Variants in GSC2 observed in about 807,000 individuals in gnomAD.
The protein encoded by GSC2 is goosecoid homeobox 2.
A neutral mutation model predicts 11.3 loss-of-function variants in GSC2; 12 were observed. The ratio of observed to expected loss-of-function variants is 1.06; its 90% CI spans 0.68 to 1.72. The LOEUF (loss-of-function observed/expected upper bound fraction) is 1.72. GSC2 is among the 40% of genes most tolerant of loss of function. GSC2 has a pLI of 0.00. For missense variants in GSC2, 310 were observed against 235.7 expected, an observed-to-expected ratio of 1.32 and a Z score of -2.06; for synonymous variants, 148 against 110.0, an observed-to-expected ratio of 1.35 and a Z score of -2.16.
chr22:19,149,931 C>G lies in GSC2; in HGVS notation c.260-15G>C. On this transcript the variant is annotated splice_polypyrimidine_tract_variant and intron_variant, in intron 1 of 2. Coordinates refer to ENST00000086933, the MANE Select transcript of GSC2 (RefSeq NM_005315.2). Reference sequence around the variant, plus strand: ...CAGACGAGCGCCTGCGGAGCGAGGGCGCGGTGAGGCGCGGGGCTGGGGCCA... The same window carrying G: ...CAGACGAGCGCCTGCGGAGCGAGGGGGCGGTGAGGCGCGGGGCTGGGGCCA... 7.6e-7 allele frequency: 1 copy of G among 1,314,552 alleles called. No individual in the cohort carries two copies. The highest frequency in any genetic ancestry group is 2.1e-5 in the South Asian group (1 of 48,136). 81.4% of individuals were successfully genotyped at this position (1,314,552 alleles called of 1,614,324 possible). A position where few individuals can be genotyped will look rare whatever the true frequency, so the allele number is the denominator to read the frequency against.
rs373129961 is a variant in GSC2, at chr22:19,149,748, G to A, written c.428C>T (p.Ala143Val). 154 of 1,594,860 alleles carry A rather than the reference G, an allele frequency of 9.7e-5. No individual in the cohort carries two copies. Among genetic ancestry groups the A allele is most frequent in the Middle Eastern group, 3.3e-4 (2 of 6,036 alleles). Reference sequence around the variant, plus strand: ...AGGATACTGGTTCTGCACGAAAAGCGCCTCGAGCGCCTGCAGCTGCTCTTC... The same window carrying A: ...AGGATACTGGTTCTGCACGAAAAGCACCTCGAGCGCCTGCAGCTGCTCTTC... ...FSEEQLQALE[A>V]LFVQNQYPDV... The change falls in exon 2 of 3, where the codon GCG becomes GTG. Residue 143 changes from alanine (A) to valine (V), a missense_variant. By Grantham distance (64) the Ala-to-Val change is moderately conservative. Coordinates refer to ENST00000086933, the MANE Select transcript of GSC2 (RefSeq NM_005315.2).
rs782517302 is a variant in GSC2, at chr22:19,150,241, C to A, written c.43G>T (p.Gly15Trp). The change falls in exon 1 of 3, where the codon GGG becomes TGG. Residue 15 changes from glycine (G) to tryptophan (W), a missense_variant. Transcript: ENST00000086933. The part of the protein sequence containing the change: ...AGGAASRRGA[G>W]RPCPFSIEHI... ...TCGATGGAGAAGGGGCAGGGCCGCC[C>A]GGCACCCCGGCGGCTCGCCGCGCCC... is the stretch of plus-strand genomic sequence containing the variant. The A allele has an allele frequency of 2.7e-5, 7 of 263,920 alleles. No homozygotes were observed. The highest frequency in any genetic ancestry group is 3.9e-5 in the Non-Finnish European group (6 of 153,878). 16.3% of individuals were successfully genotyped at this position (263,920 alleles called of 1,614,324 possible).
rs1195835347 is a variant in GSC2 at position 19,147,297 on chromosome 22, G to A, written c.*1694C>T. Among the ~76,000 whole-genome samples the A allele has an allele frequency of 2.6e-5, 4 of 152,164 alleles. No homozygotes were observed. The highest frequency in any genetic ancestry group is 1.3e-4 in the Admixed American group (2 of 15,272). On this transcript the variant is annotated 3_prime_UTR_variant, in exon 3 of 3. Coordinates refer to ENST00000086933, the MANE Select transcript of GSC2 (RefSeq NM_005315.2). ...GGAGTCTGAGGGTAAAAGATAAACC[G>A]GGAAGAGGGTGAAGATGAGAAGCGA... is the stretch of plus-strand genomic sequence containing the variant.
Position 19,148,813 on chromosome 22 carries a change from C to A in GSC2, c.*178G>T, listed in dbSNP as rs572194001. 1.8e-6 allele frequency: 1 copy of A among 544,024 alleles called. No homozygotes were observed. The highest frequency in any genetic ancestry group is 3.3e-5 in the East Asian group (1 of 30,634). 33.7% of individuals were successfully genotyped at this position (544,024 alleles called of 1,614,324 possible). On this transcript the variant is annotated 3_prime_UTR_variant, in exon 3 of 3. Coordinates refer to ENST00000086933, the MANE Select transcript of GSC2 (RefSeq NM_005315.2). ...CCCACTGCCGTGGAACACCAAGCAC[C>A]GGGGGCCCGTCCCCAGCGCCACGGC...
In GSC2 at chr22:19,148,943, A is replaced by T. The variant is rs782096100; in HGVS notation, c.*48T>A. 7.7e-6 allele frequency: 9 copies of T among 1,170,740 alleles called. 1 individual carries two copies. The South Asian group carries it at 1.1e-4, about 14-fold the overall frequency. The allele number at this position is 1,170,740 out of a possible 1,614,324, so 72.5% of individuals were successfully genotyped here. A position where few individuals can be genotyped will look rare whatever the true frequency, so the allele number is the denominator to read the frequency against. On this transcript the variant is annotated 3_prime_UTR_variant, in exon 3 of 3. Transcript: ENST00000086933. ...CCTGTCTTCTCTCAGCGCCAACTCCAAAGATCCCAAAAAGGGTGGCCGAGC... is the reference window on the plus strand; with the variant it reads ...CCTGTCTTCTCTCAGCGCCAACTCCTAAGATCCCAAAAAGGGTGGCCGAGC...
Position 19,147,821 on chromosome 22 carries a change from C to A in GSC2, c.*1170G>T, listed in dbSNP as rs1039677861. Reference sequence around the variant, plus strand: ...TTTTAGAGATGGACTTCATCTCTTGCAGGTAGAATGGCCCCATTCCCTGCA... The same window carrying A: ...TTTTAGAGATGGACTTCATCTCTTGAAGGTAGAATGGCCCCATTCCCTGCA... On this transcript the variant is annotated 3_prime_UTR_variant, in exon 3 of 3. Coordinates refer to ENST00000086933, the MANE Select transcript of GSC2 (RefSeq NM_005315.2). 2.6e-5 allele frequency among the ~76,000 whole-genome samples: 4 copies of A among 152,102 alleles called. No individual in the cohort carries two copies. Among genetic ancestry groups the A allele is most frequent in the African/African-American group, 9.7e-5 (4 of 41,398 alleles).
At position 19,149,977 on chromosome 22, in the gene GSC2, G is replaced by T. The variant is rs1174833858; in HGVS notation, c.259+48C>A. On this transcript the variant is annotated intron_variant, in intron 1 of 2. Coordinates refer to ENST00000086933, the MANE Select transcript of GSC2 (RefSeq NM_005315.2). ...GGCCAAGCTCGGCACCCACTGCGCCGCGCCCCGGGCTCCGCCGGGCCCCGC... is the reference window on the plus strand; with the variant it reads ...GGCCAAGCTCGGCACCCACTGCGCCTCGCCCCGGGCTCCGCCGGGCCCCGC... The T allele has an allele frequency of 3.4e-6, 4 of 1,169,812 alleles. No individual in the cohort carries two copies. In the African/African-American group the frequency reaches 6.5e-5, roughly 19 times the overall value. 72.5% of individuals were successfully genotyped at this position (1,169,812 alleles called of 1,614,324 possible).
Position 19,148,893 on chromosome 22 carries a change from C to A in GSC2, c.*98G>T. The stretch of plus-strand genomic sequence containing the variant: ...GAGACGGGTGGAGGCGGCCGGTGTA[C>A]TCTCCCAGCTCCTTTTCGGGTAGAC... On this transcript the variant is annotated 3_prime_UTR_variant, in exon 3 of 3. Coordinates refer to ENST00000086933, the MANE Select transcript of GSC2 (RefSeq NM_005315.2). 1 of 704,642 alleles carries A rather than the reference C, an allele frequency of 1.4e-6. No homozygotes were observed. Among genetic ancestry groups the A allele is most frequent in the South Asian group, 1.8e-5 (1 of 54,074 alleles). 43.6% of individuals were successfully genotyped at this position (704,642 alleles called of 1,614,324 possible). A position where few individuals can be genotyped will look rare whatever the true frequency, so the allele number is the denominator to read the frequency against.
Position 19,150,111 on chromosome 22 carries a change from G to T in GSC2, c.173C>A (p.Ala58Glu). ...QSPAKPEEPG[A>E]PEAAPCACCC... ...GCAGGCGCAGGGCGCAGCCTCGGGC[G>T]CCCCGGGCTCCTCTGGCTTCGCGGG... Residue 58 changes from alanine (A) to glutamate (E), a missense_variant, in exon 1 of 3, where the codon GCG (alanine) becomes GAG (glutamate). Ala to Glu is a moderately radical substitution (Grantham distance 107, BLOSUM62 -1). Transcript: ENST00000086933. 3 of 999,480 alleles carry T rather than the reference G, an allele frequency of 3.0e-6. No homozygotes were observed. The highest frequency in any genetic ancestry group is 3.6e-6 in the Non-Finnish European group (3 of 837,892). 61.9% of individuals were successfully genotyped at this position (999,480 alleles called of 1,614,324 possible). A position where few individuals can be genotyped will look rare whatever the true frequency, so the allele number is the denominator to read the frequency against.
chr22:19,148,803 C>T lies in GSC2; in HGVS notation c.*188G>A, dbSNP rs2083807460. 1.8e-6 allele frequency: 1 copy of T among 542,092 alleles called. No individual in the cohort carries two copies. Among genetic ancestry groups the T allele is most frequent in the Middle Eastern group, 3.2e-4 (1 of 3,098 alleles). 33.6% of individuals were successfully genotyped at this position (542,092 alleles called of 1,614,324 possible). ...ACTCGCCACTCCCACTGCCGTGGAA[C>T]ACCAAGCACCGGGGGCCCGTCCCCA... On this transcript the variant is annotated 3_prime_UTR_variant, in exon 3 of 3. Transcript: ENST00000086933.
Position 19,149,687 on chromosome 22 carries a change from G to C in GSC2, c.489C>G (p.Ile163Met). Residue 163 changes from isoleucine to methionine, a missense_variant, in exon 2 of 3, where the codon ATC (isoleucine) becomes ATG (methionine). Transcript: ENST00000086933. ...VSTRERLAGR[I>M]RLREERVEVW... ...CCTCCACGCGCTCCTCGCGAAGGCG[G>C]ATGCGGCCGGCCAGGCGCTCGCGCG... The C allele has an allele frequency of 6.4e-7, 1 of 1,562,804 alleles. No homozygotes were observed. The highest frequency in any genetic ancestry group is 8.6e-7 in the Non-Finnish European group (1 of 1,158,220).
rs1469191642 is a variant in GSC2 at position 19,148,228 on chromosome 22, C to G, written c.*763G>C. On this transcript the variant is annotated 3_prime_UTR_variant, in exon 3 of 3. Coordinates refer to ENST00000086933, the MANE Select transcript of GSC2 (RefSeq NM_005315.2). ...GCAGTCCCCTCTGCTGGGGAGCACC[C>G]TGGTGCAGAGACTGAGGATCGCTGA... Among the ~76,000 whole-genome samples the G allele has an allele frequency of 6.6e-6, 1 of 152,224 alleles. No individual in the cohort carries two copies. The highest frequency in any genetic ancestry group is 1.5e-5 in the Non-Finnish European group (1 of 68,042).
intron 2 of GSC2, among the ~76,000 whole-genome samples, 196 bp from the exon 3 acceptor site, chr22:19,149,291 G>A (rs1300339284): frequency 2.0e-5 from 3 of 152,216 alleles, no homozygotes; most frequent in African/African-American, 7.2e-5. Context: ...CTGGACGCGA[G>A]ATGGGAACCC....
Position 19,148,604 on chromosome 22 carries a change from C to T in GSC2, c.*387G>A. ...GAGCCAGGTCAAGTTAGGTCAATGT[C>T]CACATTGAGAAGAGGGTGGCCAGCA... is the stretch of plus-strand genomic sequence containing the variant. On this transcript the variant is annotated 3_prime_UTR_variant, in exon 3 of 3. Transcript: ENST00000086933. The T allele has an allele frequency of 5.5e-6, 1 of 182,812 alleles. No individual in the cohort carries two copies. Among genetic ancestry groups the T allele is most frequent in the Non-Finnish European group, 1.1e-5 (1 of 87,898 alleles). The allele number at this position is 182,812 out of a possible 1,614,324, so 11.3% of individuals were successfully genotyped here.
intron 2 of GSC2, among the ~76,000 whole-genome samples, chr22:19,149,353 T>G (rs563173301): frequency 6.6e-6 from 1 of 152,226 alleles, no homozygotes; most frequent in Non-Finnish European, 1.5e-5. Context: ...CGCCCCTTCT[T>G]GGGTTGCGGG....
rs2083820294 is a variant in GSC2, at chr22:19,150,092, G to A, written c.192C>T (p.Cys64=). The part of the protein sequence containing the change: ...EEPGAPEAAP[C]ACCCCCGPRA... ...GGGGGCCGCAGCAGCAGCAGCAGGC[G>A]CAGGGCGCAGCCTCGGGCGCCCCGG... The change falls in exon 1 of 3, where the codon TGC becomes TGT. Residue 64 remains cysteine (C), a synonymous_variant. Coordinates refer to ENST00000086933, the MANE Select transcript of GSC2 (RefSeq NM_005315.2). The A allele has an allele frequency of 9.0e-6, 9 of 1,002,510 alleles. No homozygotes were observed. The highest frequency in any genetic ancestry group is 1.8e-5 in the African/African-American group (1 of 57,124). The allele number at this position is 1,002,510 out of a possible 1,614,324, so 62.1% of individuals were successfully genotyped here. A position where few individuals can be genotyped will look rare whatever the true frequency, so the allele number is the denominator to read the frequency against.
intron 2 of GSC2, 80 bp downstream of exon 2, chr22:19,149,583 A>G: frequency 2.9e-6 from 4 of 1,372,524 alleles, no homozygotes; most frequent in East Asian, 3.0e-5. Context: ...GTCTTTGCAA[A>G]GGGCGCCCGC....
In GSC2 at chr22:19,150,210, A is replaced by T; in HGVS notation, c.74T>A (p.Ile25Asn). ...GRPCPFSIEH[I>N]LSSLPERSLP... ...GCTCCGCTCGGGCAGGCTGGAGAGG[A>T]TGTGCTCGATGGAGAAGGGGCAGGG... The change falls in exon 1 of 3, where the codon ATC (isoleucine) becomes AAC (asparagine). Residue 25 changes from isoleucine to asparagine, a missense_variant. Coordinates refer to ENST00000086933, the MANE Select transcript of GSC2 (RefSeq NM_005315.2). The T allele has an allele frequency of 2.6e-6, 1 of 388,124 alleles. No homozygotes were observed. Among genetic ancestry groups the T allele is most frequent in the South Asian group, 5.4e-5 (1 of 18,488 alleles). The allele number at this position is 388,124 out of a possible 1,614,324, so 24.0% of individuals were successfully genotyped here. A position where few individuals can be genotyped will look rare whatever the true frequency, so the allele number is the denominator to read the frequency against.
chr22:19,147,791 C>A lies in GSC2; in HGVS notation c.*1200G>T, dbSNP rs534791164. On this transcript the variant is annotated 3_prime_UTR_variant, in exon 3 of 3. Transcript: ENST00000086933. ...GAGCTGCAGCCCTGGCTTCTGCAGTCCTGCTTTTAGAGATGGACTTCATCT... is the reference window on the plus strand; with the variant it reads ...GAGCTGCAGCCCTGGCTTCTGCAGTACTGCTTTTAGAGATGGACTTCATCT... 1.3e-5 allele frequency among the ~76,000 whole-genome samples: 2 copies of A among 152,108 alleles called. No individual in the cohort carries two copies. The highest frequency in any genetic ancestry group is 2.4e-5 in the African/African-American group (1 of 41,412).
Sources: allele counts gnomAD v4.1 joint callset (sites outside exome capture counted in the v4.1 genomes callset), GRCh38; gene constraint gnomAD v4.1.1; transcripts MANE v1.5; gene names NCBI Gene and HGNC (gene_info 2026-07-23, HGNC 2026-07-21).